Variants in SLC39A11 observed in about 807,000 individuals in gnomAD.
SLC39A11 encodes the protein zinc transporter ZIP11.
Under a neutral mutation model 36.1 loss-of-function variants are expected in SLC39A11, and 33 were observed. The ratio of observed to expected loss-of-function variants is 0.91; its 90% confidence interval spans 0.69 to 1.22. The LOEUF is 1.22. SLC39A11 is among the 50% of genes most tolerant of loss of function. SLC39A11 has a pLI of 0.00. For synonymous variants in SLC39A11, 166 were observed against 170.3 expected, an observed-to-expected ratio of 0.97 and a Z score of 0.20; for missense variants, 432 against 430.3, an observed-to-expected ratio of 1.00 and a Z score of -0.03.
chr17:72,802,486 A>T (rs1007857266), intron 6 of SLC39A11, among the ~76,000 whole-genome samples: 3 of 151,512 alleles, frequency 2.0e-5, no homozygotes, highest in Non-Finnish European at 4.4e-5. Flanking sequence ...GCTACTTGGG[A>T]GGCTGAGGCA....
At chr17:73,016,897 C>G (rs917255047) in intron 4 of SLC39A11, among the ~76,000 whole-genome samples, 1 of 152,182 alleles carries the variant, frequency 6.6e-6, no homozygotes, top group Non-Finnish European at 1.5e-5. Context: ...AAGCAACACT[C>G]CATTTATTAT....
At chr17:73,041,659 C>G (rs577915062) in intron 3 of SLC39A11, among the ~76,000 whole-genome samples, 1 of 152,194 alleles carries the variant, frequency 6.6e-6, no homozygotes, top group Non-Finnish European at 1.5e-5. Context: ...AATGAAAATC[C>G]AATGCGAGTA....
intron 6 of SLC39A11, among the ~76,000 whole-genome samples, chr17:72,811,385 A>AT (rs2077430720): frequency 6.6e-6 from 1 of 152,162 alleles, no homozygotes; most frequent in African/African-American, 2.4e-5. Context: ...GAAACTGGGT[A>AT]TTTTGGGGGT....
intron 7 of SLC39A11, among the ~76,000 whole-genome samples, chr17:72,713,850 A>G (rs1380610012): frequency 6.6e-6 from 1 of 152,174 alleles, no homozygotes; most frequent in East Asian, 1.9e-4. Context: ...ACTCTCGCTG[A>G]ATCCCCCAAC....
chr17:72,936,459 C>T (rs2084766884), intron 5 of SLC39A11, among the ~76,000 whole-genome samples: 1 of 146,244 alleles, frequency 6.8e-6, no homozygotes, highest in Non-Finnish European at 1.5e-5. Context: ...TGGCAATTAC[C>T]CGGGGAACAA....
chr17:73,002,828 G>A (rs942770997), intron 4 of SLC39A11, among the ~76,000 whole-genome samples: 10 of 152,190 alleles, frequency 6.6e-5, no homozygotes, highest in Non-Finnish European at 1.2e-4. Flanking sequence ...AGGCTCTAGG[G>A]AAGAATCTGT....
chr17:72,784,579 G>C (rs2076437038), intron 6 of SLC39A11, among the ~76,000 whole-genome samples: 1 of 152,058 alleles, frequency 6.6e-6, no homozygotes, highest in Non-Finnish European at 1.5e-5. Flanking sequence ...CTGGAGGTGG[G>C]GCCTGGCGGG....
At chr17:72,665,405 T>TTTTTG (rs1479380438) in intron 7 of SLC39A11, among the ~76,000 whole-genome samples, 79 of 144,348 alleles carry the variant, frequency 5.5e-4, no homozygotes, top group East Asian at 2.0e-3. Context: ...TTTTTTTTTT[T>TTTTTG]TTTTTGAGAC....
intron 3 of SLC39A11, 69 bp downstream of exon 3, chr17:73,084,739 A>T (rs1490314811): frequency 6.5e-7 from 1 of 1,531,006 alleles, no homozygotes; most frequent in African/African-American, 1.4e-5. Context: ...GACTGAAGAC[A>T]GCCCTTGGCA....
At chr17:72,955,039 A>T (rs1033101042) in intron 4 of SLC39A11, among the ~76,000 whole-genome samples, 10 of 152,220 alleles carry the variant, frequency 6.6e-5, no homozygotes, top group African/African-American at 2.4e-4. Context: ...TGCCTTGTCC[A>T]AAGCACTAGG....
At chr17:72,868,047 A>T (rs4548940) in intron 5 of SLC39A11, among the ~76,000 whole-genome samples, 21,785 of 151,754 alleles carry the variant, frequency 0.14, 2,129 homozygotes, top group African/African-American at 0.28. Context: ...AACACCTTAT[A>T]GAAGTTTTCC....
chr17:72,745,930 C>T (rs575839467), intron 6 of SLC39A11, among the ~76,000 whole-genome samples: 160 of 152,218 alleles, frequency 1.1e-3, no homozygotes, highest in African/African-American at 3.0e-3. Context: ...GGAGAAATGA[C>T]GAGTTATGGG....
At chr17:72,745,022 A>C in intron 6 of SLC39A11, among the ~76,000 whole-genome samples, 1 of 151,984 alleles carries the variant, frequency 6.6e-6, no homozygotes, top group African/African-American at 2.4e-5. Flanking sequence ...TTGTATTTCT[A>C]GTAGAGATGG....
intron 5 of SLC39A11, among the ~76,000 whole-genome samples, chr17:72,883,465 C>T (rs1322015673): frequency 6.6e-6 from 1 of 151,890 alleles, no homozygotes; most frequent in East Asian, 1.9e-4. Flanking sequence ...TGATGCAAAA[C>T]ATGCTCAAGC....
intron 6 of SLC39A11, among the ~76,000 whole-genome samples, chr17:72,820,229 A>G (rs1053002025): frequency 1.3e-5 from 2 of 151,186 alleles, no homozygotes; most frequent in African/African-American, 4.8e-5. Context: ...CCTGTGGGAA[A>G]ATGATCTTTG....
chr17:73,090,251 G>A (rs2060881617), intron 1 of SLC39A11, among the ~76,000 whole-genome samples: 1 of 152,164 alleles, frequency 6.6e-6, no homozygotes, highest in South Asian at 2.1e-4. Flanking sequence ...ACCTAGGAAG[G>A]GTATAGGTCC....
At chr17:72,984,199 C>G (rs2088542082) in intron 4 of SLC39A11, among the ~76,000 whole-genome samples, 1 of 152,056 alleles carries the variant, frequency 6.6e-6, no homozygotes, top group South Asian at 2.1e-4. Context: ...CTGTTCTTCC[C>G]CCATGAAGCA....
At chr17:72,869,609 A>T (rs935381983) in intron 5 of SLC39A11, among the ~76,000 whole-genome samples, 1 of 152,112 alleles carries the variant, frequency 6.6e-6, no homozygotes, top group South Asian at 2.1e-4. Context: ...CAAACTCCTG[A>T]CCTCAGGTGA....
intron 6 of SLC39A11, among the ~76,000 whole-genome samples, chr17:72,815,913 T>C (rs2145464157): frequency 6.6e-6 from 1 of 152,340 alleles, no homozygotes; most frequent in South Asian, 2.1e-4. Context: ...AGAGTAAAAC[T>C]GTGTCTCAAA....
Sources: allele counts gnomAD v4.1 joint callset (sites outside exome capture counted in the v4.1 genomes callset), GRCh38; gene constraint gnomAD v4.1.1; transcripts MANE v1.5; gene names NCBI Gene and HGNC (gene_info 2026-07-23, HGNC 2026-07-21).